Variants in SEC14L6 observed in about 807,000 individuals in gnomAD.
SEC14L6 encodes SEC14-like protein 6.
Under a neutral mutation model 54.1 loss-of-function variants are expected in SEC14L6, and 40 were observed. The observed-to-expected ratio is 0.74, with a 90% CI of 0.57 to 0.96. The LOEUF (loss-of-function observed/expected upper bound fraction) is 0.96, where lower values mean the gene tolerates loss of function less well. SEC14L6 is among the 40% of genes least tolerant of loss of function. SEC14L6 has a pLI of 0.00. For synonymous variants in SEC14L6, 171 were observed against 198.4 expected, an observed-to-expected ratio of 0.86 and a Z score of 1.16; for missense variants, 471 against 498.3, an observed-to-expected ratio of 0.95 and a Z score of 0.52.
chr22:30,530,570 C>G (rs943224050), intron 6 of SEC14L6, among the ~76,000 whole-genome samples: 2 of 152,178 alleles, frequency 1.3e-5, no homozygotes, highest in East Asian at 3.8e-4. Context: ...CCAGCGAATA[C>G]TCTTATTTTG....
At chr22:30,537,919 G>A (rs1309898696) in intron 2 of SEC14L6, among the ~76,000 whole-genome samples, 1 of 152,166 alleles carries the variant, frequency 6.6e-6, no homozygotes, top group Non-Finnish European at 1.5e-5. Context: ...ATGAAATGTT[G>A]CCTGATTCTA....
At position 30,525,355 on chromosome 22, in the gene SEC14L6, C is replaced by A. The variant is rs779227994; in HGVS notation, c.1076G>T (p.Gly359Val). 2 of 1,613,918 alleles carry A rather than the reference C, an allele frequency of 1.2e-6. No homozygotes were observed. The highest frequency in any genetic ancestry group is 2.7e-5 in the African/African-American group (2 of 74,930). The change falls in exon 11 of 12, where the codon GGC becomes GTC. Residue 359 changes from glycine (G) to valine (V), a missense_variant. Transcript: ENST00000402034. ...EDGILTCLQA[G>V]SYVLRFYNTY... ...CCATCCCTGCCAACTCTTACAGCTGCCGGCCTGGAGGCAGGTGAGAATCCC... is the reference window on the plus strand; with the variant it reads ...CCATCCCTGCCAACTCTTACAGCTGACGGCCTGGAGGCAGGTGAGAATCCC...
chr22:30,541,241 T>C (rs1247772884), intron 1 of SEC14L6, among the ~76,000 whole-genome samples: 1 of 152,228 alleles, frequency 6.6e-6, no homozygotes, highest in Non-Finnish European at 1.5e-5. Flanking sequence ...AATCATCTTC[T>C]TGGATACTAA....
At chr22:30,533,323 A>G (rs5753186) in intron 3 of SEC14L6, 142,871 of 200,418 alleles carry the variant, frequency 0.71, 51,481 homozygotes, top group Middle Eastern at 0.77. Flanking sequence ...AGCTCAGGCC[A>G]GGCACAATGT....
At chr22:30,534,610 C>CA in intron 2 of SEC14L6, among the ~76,000 whole-genome samples, 1 of 151,934 alleles carries the variant, frequency 6.6e-6, no homozygotes, top group East Asian at 1.9e-4. Flanking sequence ...GGGGTTTCAC[C>CA]ATGTTGGTCA....
At chr22:30,542,698 G>C (rs1013557497) in intron 1 of SEC14L6, 3 of 1,555,982 alleles carry the variant, frequency 1.9e-6, no homozygotes, top group Middle Eastern at 1.7e-4. Context: ...TGAGAAGTCT[G>C]TATCAGTTGC....
chr22:30,542,860 A>G, intron 1 of SEC14L6: 1 of 1,597,580 alleles, frequency 6.3e-7, no homozygotes, highest in Non-Finnish European at 8.6e-7. Flanking sequence ...TTCAGATCTC[A>G]CAAAGAGAAC....
chr22:30,538,826 C>G lies in SEC14L6; in HGVS notation c.130+1G>C. ...ACCCCAGCCCCACGCTCTATCCTTACCTTGGAGCCAGCGCAGGAGGAAGTA... is the reference window on the plus strand; with the variant it reads ...ACCCCAGCCCCACGCTCTATCCTTAGCTTGGAGCCAGCGCAGGAGGAAGTA... On this transcript the variant is annotated splice_donor_variant, in intron 2 of 11. Coordinates refer to ENST00000402034, the MANE Select transcript of SEC14L6 (RefSeq NM_001193336.4). LOFTEE classifies it high-confidence loss of function. 1 of 1,554,400 alleles carries G rather than the reference C, an allele frequency of 6.4e-7. No individual in the cohort carries two copies. Among genetic ancestry groups the G allele is most frequent in the Non-Finnish European group, 8.7e-7 (1 of 1,147,474 alleles).
chr22:30,541,483 A>AC, intron 1 of SEC14L6, among the ~76,000 whole-genome samples: 1 of 152,070 alleles, frequency 6.6e-6, no homozygotes, highest in Admixed American at 6.6e-5. Flanking sequence ...ACATGGCAAA[A>AC]CCCCGTCTCT....
Position 30,538,830 on chromosome 22 carries a change from G to C in SEC14L6, c.127C>G (p.Gln43Glu). ...CAGCCCCACGCTCTATCCTTACCTT[G>C]GAGCCAGCGCAGGAGGAAGTAGTCA... Reference protein sequence around the residue: ...PDDYFLLRWLQARSFDLQKSE... With the variant: ...PDDYFLLRWLEARSFDLQKSE... Residue 43 changes from glutamine (Q) to glutamate (E), a missense_variant, in exon 2 of 12, where the codon CAA (glutamine) becomes GAA (glutamate). Gln to Glu is a conservative substitution (Grantham distance 29, BLOSUM62 2). Coordinates refer to ENST00000402034, the MANE Select transcript of SEC14L6 (RefSeq NM_001193336.4). 6.4e-7 allele frequency: 1 copy of C among 1,555,976 alleles called. No homozygotes were observed. Among genetic ancestry groups the C allele is most frequent in the South Asian group, 1.2e-5 (1 of 84,302 alleles).
At chr22:30,531,850 TA>T in intron 6 of SEC14L6, 52 bp downstream of exon 6, 2 of 1,315,622 alleles carry the variant, frequency 1.5e-6, no homozygotes, top group Non-Finnish European at 2.1e-6. Context: ...AAGTGGAGGG[TA>T]AAGACCCAGG....
Position 30,546,582 on chromosome 22 carries a change from CAGA to C in SEC14L6, c.54+44_54+46del, listed in dbSNP as rs1015519262. ...CCTTGAGTCCTGCCCTTCCCCGTGG[CAGA>C]AGGAGAAACTGAGGCTGGTGTAGGA... On this transcript the variant is annotated intron_variant, in intron 1 of 11. Transcript: ENST00000402034. The C allele has an allele frequency of 6.0e-6, 9 of 1,512,512 alleles. No individual in the cohort carries two copies. The African/African-American group carries it at 1.2e-4, about 21-fold the overall frequency. 93.7% of individuals were successfully genotyped at this position (1,512,512 alleles called of 1,614,324 possible).
At position 30,529,321 on chromosome 22, in the gene SEC14L6, G is replaced by A; in HGVS notation, c.548C>T (p.Pro183Leu). The change falls in exon 7 of 12, where the codon CCT becomes CTT. Residue 183 changes from proline to leucine, a missense_variant. By Grantham distance (98) the Pro-to-Leu change is moderately conservative (BLOSUM62 -3). Coordinates refer to ENST00000402034, the MANE Select transcript of SEC14L6 (RefSeq NM_001193336.4). ...EFFSALEANY[P>L]EILKSLIVVR... ...AACAATTAAACTCTTCAAGATCTCA[G>A]GGTAATTTGCTTCAAGTGCTGAGAA... 1 of 1,550,536 alleles carries A rather than the reference G, an allele frequency of 6.4e-7. No homozygotes were observed. Among genetic ancestry groups the A allele is most frequent in the Non-Finnish European group, 8.7e-7 (1 of 1,146,954 alleles).
chr22:30,532,019 G>T, intron 5 of SEC14L6, 21 bp from the exon 6 acceptor site: 1 of 1,544,502 alleles, frequency 6.5e-7, no homozygotes, highest in Non-Finnish European at 8.8e-7. Context: ...ATGACAGGGG[G>T]TGAGACCCTG....
chr22:30,544,907 GT>G, intron 1 of SEC14L6, among the ~76,000 whole-genome samples: 1 of 151,964 alleles, frequency 6.6e-6, no homozygotes, highest in Admixed American at 6.6e-5. Context: ...GTTTTGTTTT[GT>G]TTTTTTCTTA....
chr22:30,532,763 C>T (rs767702937), intron 4 of SEC14L6, 34 bp downstream of exon 4: 14 of 1,606,400 alleles, frequency 8.7e-6, no homozygotes, highest in African/African-American at 4.0e-5. Flanking sequence ...GCTGAGGGCC[C>T]AGGGATCAGG....
chr22:30,533,439 A>G (rs965647234), intron 3 of SEC14L6, among the ~76,000 whole-genome samples: 4 of 152,096 alleles, frequency 2.6e-5, no homozygotes, highest in Non-Finnish European at 5.9e-5. Flanking sequence ...TGTCTCTACT[A>G]AAAATACAAA....
intron 1 of SEC14L6, chr22:30,543,943 A>G (rs2085769654): frequency 6.2e-7 from 1 of 1,605,980 alleles, no homozygotes; most frequent in Non-Finnish European, 8.5e-7. Context: ...CATTCAGACC[A>G]GCCTGCAGCC....
intron 1 of SEC14L6, among the ~76,000 whole-genome samples, chr22:30,541,512 A>G (rs1207748748): frequency 6.6e-6 from 1 of 152,214 alleles, no homozygotes; most frequent in Non-Finnish European, 1.5e-5. Context: ...TACAAAGATT[A>G]GCCAGGTATG....
Sources: gnomAD v4.1 joint callset for allele counts (sites outside exome capture counted in the v4.1 genomes callset) on GRCh38, gnomAD v4.1.1 for gene constraint, MANE v1.5 for transcripts, NCBI Gene and HGNC (gene_info 2026-07-23, HGNC 2026-07-21) for gene names.